The following NWD2 variants were observed in gnomAD, a reference collection of about 807,000 sequenced individuals.
The protein encoded by NWD2 is NACHT and WD repeat domain containing 2.
NWD2 carries 37 observed loss-of-function variants against 132.7 expected under a neutral mutation model. That is an observed-to-expected ratio of 0.28 (90% CI 0.21 to 0.37). NWD2 has a LOEUF of 0.37. Ranked by LOEUF, NWD2 falls within the 10% of genes least tolerant of loss-of-function variation. The pLI, the probability that NWD2 is intolerant of heterozygous loss-of-function variation, is 1.00. For missense variants in NWD2, 1,592 were observed against 2,122.4 expected (o/e 0.75, Z 4.91); for synonymous variants, 705 against 803.0 (o/e 0.88, Z 2.06).
chr4:37,283,765 T>G (rs970633515), intron 1 of NWD2, among the ~76,000 whole-genome samples: 1 of 152,162 alleles, frequency 6.6e-6, no homozygotes, highest in African/African-American at 2.4e-5. Context: ...ATAAGATAAT[T>G]AAGAAAACCA....
chr4:37,304,199 G>A (rs1718663495), intron 1 of NWD2, among the ~76,000 whole-genome samples: 1 of 152,182 alleles, frequency 6.6e-6, no homozygotes, highest in Non-Finnish European at 1.5e-5. Context: ...AGAAGAGAGA[G>A]AGAAGTGCTA....
chr4:37,377,947 T>C (rs1256890128), intron 3 of NWD2, among the ~76,000 whole-genome samples: 1 of 152,214 alleles, frequency 6.6e-6, no homozygotes, highest in African/African-American at 2.4e-5. Context: ...TTTTTTTAAT[T>C]AGCCTCATTT....
intron 1 of NWD2, among the ~76,000 whole-genome samples, chr4:37,296,879 C>T (rs1375943176): frequency 3.3e-5 from 5 of 152,160 alleles, no homozygotes; most frequent in Non-Finnish European, 7.4e-5. Context: ...CAAAGGCTCA[C>T]AGGAACCTAG....
intron 3 of NWD2, among the ~76,000 whole-genome samples, chr4:37,428,931 C>T (rs555091687): frequency 5.9e-5 from 9 of 152,060 alleles, no homozygotes; most frequent in Non-Finnish European, 1.2e-4. Context: ...AGGGTTTAAC[C>T]ATGTTGGCCA....
intron 1 of NWD2, among the ~76,000 whole-genome samples, chr4:37,277,084 T>C (rs58967453): frequency 0.19 from 28,542 of 151,344 alleles, 3,517 homozygotes; most frequent in Middle Eastern, 0.3. Context: ...TGTACATATG[T>C]AACAAACCTG....
At chr4:37,334,884 G>T (rs1195126747) in intron 2 of NWD2, among the ~76,000 whole-genome samples, 1 of 152,012 alleles carries the variant, frequency 6.6e-6, no homozygotes, top group African/African-American at 2.4e-5. Context: ...CCAAAGATCT[G>T]CCAACTCTAC....
intron 3 of NWD2, among the ~76,000 whole-genome samples, chr4:37,416,006 A>C (rs1177323669): frequency 6.6e-6 from 1 of 152,236 alleles, no homozygotes; most frequent in Non-Finnish European, 1.5e-5. Context: ...TGTATGGGCA[A>C]CTCAGCTGTT....
At chr4:37,303,344 G>C (rs973520852) in intron 1 of NWD2, among the ~76,000 whole-genome samples, 1 of 152,142 alleles carries the variant, frequency 6.6e-6, no homozygotes, top group South Asian at 2.1e-4. Context: ...TGCTGTTTCG[G>C]TTACGACAGC....
At chr4:37,256,006 T>C (rs1035164172) in intron 1 of NWD2, among the ~76,000 whole-genome samples, 4 of 152,172 alleles carry the variant, frequency 2.6e-5, no homozygotes, top group Admixed American at 2.6e-4. Context: ...ATTGTCATAG[T>C]TGGAAAAGAA....
chr4:37,363,088 A>T (rs1720015951), intron 3 of NWD2, among the ~76,000 whole-genome samples: 2 of 152,258 alleles, frequency 1.3e-5, no homozygotes, highest in Non-Finnish European at 2.9e-5. Flanking sequence ...AGGAATGCAA[A>T]TCAAAACCAC....
At chr4:37,422,053 A>T (rs1265180829) in intron 3 of NWD2, among the ~76,000 whole-genome samples, 3 of 152,096 alleles carry the variant, frequency 2.0e-5, no homozygotes, top group Non-Finnish European at 4.4e-5. Context: ...ATTTAACCTT[A>T]ATCACCTCCT....
chr4:37,308,815 C>A (rs978348727), intron 1 of NWD2, among the ~76,000 whole-genome samples: 4 of 152,128 alleles, frequency 2.6e-5, no homozygotes, highest in Admixed American at 1.3e-4. Context: ...AAGGCCCCAG[C>A]AAGCTGGTAC....
chr4:37,333,903 G>A (rs924051214), intron 2 of NWD2, among the ~76,000 whole-genome samples: 3 of 152,006 alleles, frequency 2.0e-5, no homozygotes, highest in Non-Finnish European at 4.4e-5. Flanking sequence ...AGAAATTCTG[G>A]AGTTGAAAAG....
At chr4:37,288,606 A>C (rs545989090) in intron 1 of NWD2, among the ~76,000 whole-genome samples, 1 of 152,368 alleles carries the variant, frequency 6.6e-6, no homozygotes, top group South Asian at 2.1e-4. Context: ...TTTAATCAGC[A>C]AACTATTGTT....
At chr4:37,266,990 G>A (rs1469761448) in intron 1 of NWD2, among the ~76,000 whole-genome samples, 1 of 151,934 alleles carries the variant, frequency 6.6e-6, no homozygotes, top group Non-Finnish European at 1.5e-5. Context: ...GTTTAATGAC[G>A]AGAAAATATT....
intron 1 of NWD2, among the ~76,000 whole-genome samples, chr4:37,254,839 GA>G (rs1274513662): frequency 3.9e-5 from 6 of 152,016 alleles, no homozygotes; most frequent in African/African-American, 1.4e-4. Flanking sequence ...ATATTTCAAA[GA>G]CTGTGAAATG....
chr4:37,387,899 C>T (rs1720597362), intron 3 of NWD2, among the ~76,000 whole-genome samples: 1 of 151,678 alleles, frequency 6.6e-6, no homozygotes, highest in African/African-American at 2.4e-5. Context: ...GTCTTGAGCT[C>T]CTGACCTCAG....
chr4:37,376,719 G>A (rs1720356305), intron 3 of NWD2, among the ~76,000 whole-genome samples: 1 of 152,100 alleles, frequency 6.6e-6, no homozygotes, highest in Admixed American at 6.6e-5. Context: ...TATATGCAAA[G>A]TGTTTAGTGT....
intron 1 of NWD2, among the ~76,000 whole-genome samples, chr4:37,264,254 G>A (rs1283962936): frequency 6.6e-6 from 1 of 152,102 alleles, no homozygotes; most frequent in East Asian, 1.9e-4. Context: ...GCTTTCTGAA[G>A]GTTAAATAGC....
Sources: allele counts gnomAD v4.1 joint callset (sites outside exome capture counted in the v4.1 genomes callset), GRCh38; gene constraint gnomAD v4.1.1; transcripts MANE v1.5; gene names NCBI Gene and HGNC (gene_info 2026-07-23, HGNC 2026-07-21).